PVALB: variants seen among roughly 807,000 people sequenced by gnomAD.
The protein encoded by PVALB is parvalbumin.
PVALB carries 11 observed loss-of-function variants against 10.9 expected under a neutral mutation model. That is an observed-to-expected ratio of 1.01 (90% CI 0.63 to 1.67). The LOEUF is 1.67. Among genes scored for constraint, PVALB ranks in the 40% most tolerant of loss-of-function variants. The pLI, the probability that PVALB is intolerant of heterozygous loss-of-function variation, is 0.00. For synonymous variants in PVALB, 57 were observed against 50.7 expected (o/e 1.12, Z -0.53); for missense variants, 131 against 136.2 (o/e 0.96, Z 0.19).
At chr22:36,811,181 GA>G (rs1413049006) in intron 3 of PVALB, among the ~76,000 whole-genome samples, 1 of 152,148 alleles carries the variant, frequency 6.6e-6, no homozygotes, top group Non-Finnish European at 1.5e-5. Context: ...GAGGCTGGGG[GA>G]GGGGGGAATT....
intron 3 of PVALB, among the ~76,000 whole-genome samples, chr22:36,802,851 C>A (rs1938890894): frequency 6.6e-6 from 1 of 152,080 alleles, no homozygotes; most frequent in African/African-American, 2.4e-5. Context: ...TGAGTGGTAA[C>A]AGCAGTGCCA....
intron 3 of PVALB, among the ~76,000 whole-genome samples, chr22:36,813,252 G>C (rs4820255): frequency 0.92 from 140,475 of 152,172 alleles, 64,909 homozygotes; most frequent in African/African-American, 0.95. Context: ...GCCTCATTTC[G>C]TTGGATTAGA....
At chr22:36,806,380 C>T (rs1938950895) in intron 3 of PVALB, among the ~76,000 whole-genome samples, 1 of 152,104 alleles carries the variant, frequency 6.6e-6, no homozygotes, top group Non-Finnish European at 1.5e-5. Context: ...CTTTTCTTTC[C>T]CTTAGGAAAC....
intron 1 of PVALB, chr22:36,815,441 T>C: frequency 1.5e-6 from 1 of 663,342 alleles, no homozygotes; most frequent in Non-Finnish European, 2.5e-6. Context: ...GTGGAAGAGG[T>C]GTGCTCAAAC....
At chr22:36,807,432 A>AG (rs943382638) in intron 3 of PVALB, among the ~76,000 whole-genome samples, 37 of 152,190 alleles carry the variant, frequency 2.4e-4, no homozygotes, top group African/African-American at 8.9e-4. Context: ...ATCCCCATAG[A>AG]GGCCGGAGGG....
At chr22:36,819,032 C>T (rs1156834963), upstream of PVALB, among the ~76,000 whole-genome samples, 1 of 152,180 alleles carries the variant, frequency 6.6e-6, no homozygotes, top group African/African-American at 2.4e-5. Flanking sequence ...AACTTGACAC[C>T]CCCTCCGGGA....
chr22:36,805,833 G>A (rs1351417907), intron 3 of PVALB, among the ~76,000 whole-genome samples: 1 of 152,046 alleles, frequency 6.6e-6, no homozygotes, highest in Non-Finnish European at 1.5e-5. Flanking sequence ...CATTAACTAC[G>A]AAAGTCCTGA....
At chr22:36,801,668 C>T (rs967635278) in intron 3 of PVALB, among the ~76,000 whole-genome samples, 6 of 152,120 alleles carry the variant, frequency 3.9e-5, no homozygotes, top group South Asian at 2.1e-4. Context: ...GGTGTGGTGG[C>T]GGACGCCTGT....
At chr22:36,814,984 T>A in intron 2 of PVALB, 119 bp downstream of exon 2, 1 of 1,358,012 alleles carries the variant, frequency 7.4e-7, no homozygotes, top group Non-Finnish European at 1.0e-6. Flanking sequence ...GCACGGTTAC[T>A]TTCTGTGAAG....
intron 3 of PVALB, among the ~76,000 whole-genome samples, chr22:36,807,075 G>A (rs185081681): frequency 4.6e-5 from 7 of 152,318 alleles, no homozygotes; most frequent in Admixed American, 4.6e-4. Flanking sequence ...TTCTAGTGCA[G>A]CATAAGGCCA....
In PVALB at chr22:36,800,821, G is replaced by T; in HGVS notation, c.*69C>A. 6.7e-7 allele frequency: 1 copy of T among 1,489,752 alleles called. No homozygotes were observed. The highest frequency in any genetic ancestry group is 9.4e-7 in the Non-Finnish European group (1 of 1,066,794). The allele number at this position is 1,489,752 out of a possible 1,614,324, so 92.3% of individuals were successfully genotyped here. A position where few individuals can be genotyped will look rare whatever the true frequency, so the allele number is the denominator to read the frequency against. On this transcript the variant is annotated 3_prime_UTR_variant, in exon 4 of 4. Coordinates refer to ENST00000417718, the MANE Select transcript of PVALB (RefSeq NM_001315532.2). ...AACGAACTGAACAGAAATGCAGGAG[G>T]GTGGCGAGAGGGGCCGAGATTGGGT...
chr22:36,811,715 G>A (rs1270354248), intron 3 of PVALB, among the ~76,000 whole-genome samples: 1 of 152,134 alleles, frequency 6.6e-6, no homozygotes, highest in Non-Finnish European at 1.5e-5. Flanking sequence ...ATGGAAGGCA[G>A]GTCTGGAGGC....
At chr22:36,813,624 AC>A (rs763383236) in intron 3 of PVALB, 21 bp downstream of exon 3, 2 of 1,572,634 alleles carry the variant, frequency 1.3e-6, no homozygotes, top group South Asian at 2.2e-5. Context: ...ATATGCCCAG[AC>A]CCCAGGTCAC....
In PVALB at chr22:36,814,268, AGTGTGTGTGTGTGT is replaced by A. The variant is rs36215449; in HGVS notation, c.195-527_195-514del. On this transcript the variant is annotated intron_variant, in intron 2 of 3. Coordinates refer to ENST00000417718, the MANE Select transcript of PVALB (RefSeq NM_001315532.2). ...GGACAGGGGGAAGTCAGCCTCTGTG[AGTGTGTGTGTGTGT>A]GTGTGTGTGTGTGTGTGTGTGTGCA... is the stretch of plus-strand genomic sequence containing the variant. 1.2e-3 allele frequency among the ~76,000 whole-genome samples: 182 copies of A among 148,128 alleles called. 1 individual carries two copies. The highest frequency in any genetic ancestry group is 5.4e-3 in the East Asian group (27 of 4,960).
At chr22:36,802,469 C>T (rs186499024) in intron 3 of PVALB, among the ~76,000 whole-genome samples, 26 of 151,746 alleles carry the variant, frequency 1.7e-4, no homozygotes, top group Non-Finnish European at 2.6e-4. Context: ...GACGTGGTGG[C>T]GCACACCTGT....
At chr22:36,816,907 G>A (rs567593386) in intron 1 of PVALB, 38 bp downstream of exon 1, 29 of 1,560,166 alleles carry the variant, frequency 1.9e-5, no homozygotes, top group Middle Eastern at 2.3e-4. Context: ...GGCGGTGGAC[G>A]AGGGGAGAGG....
At chr22:36,812,177 G>C (rs1187777542) in intron 3 of PVALB, among the ~76,000 whole-genome samples, 2 of 152,160 alleles carry the variant, frequency 1.3e-5, no homozygotes, top group Non-Finnish European at 2.9e-5. Flanking sequence ...CCATTTGCCG[G>C]GCAAGGGAAC....
intron 3 of PVALB, chr22:36,813,331 T>C: frequency 3.4e-6 from 1 of 290,192 alleles, no homozygotes; most frequent in Non-Finnish European, 6.5e-6. Flanking sequence ...GGGCAGAGGT[T>C]GGGCCAGTAT....
Position 36,816,951 on chromosome 22 carries a change from A to G in PVALB, c.55T>C (p.Phe19Leu). 1.2e-6 allele frequency: 2 copies of G among 1,607,554 alleles called. No homozygotes were observed. Among genetic ancestry groups the G allele is most frequent in the South Asian group, 1.1e-5 (1 of 90,180 alleles). The change falls in exon 1 of 4, where the codon TTT (phenylalanine) becomes CTT (leucine). Residue 19 changes from phenylalanine to leucine, a missense_variant. Physicochemically the swap from Phe to Leu is conservative, Grantham distance 22. Transcript: ENST00000417718. ...GGGGAGCGCGCTTGCTCACCGCTAA[A>G]GGCTCCCACCGCCTTCTTGATGTCC... is the stretch of plus-strand genomic sequence containing the variant. ...AEDIKKAVGAFSATDSFDHKK... is the reference protein window; with the variant it reads ...AEDIKKAVGALSATDSFDHKK...
Sources: allele counts gnomAD v4.1 joint callset (sites outside exome capture counted in the v4.1 genomes callset), GRCh38; gene constraint gnomAD v4.1.1; transcripts MANE v1.5; gene names NCBI Gene and HGNC (gene_info 2026-07-23, HGNC 2026-07-21).